The following DLG2 variants were observed in gnomAD, a reference collection of about 807,000 sequenced individuals.
DLG2 encodes the protein disks large homolog 2.
A neutral mutation model predicts 132.5 loss-of-function variants in DLG2; 45 were observed. That is an observed-to-expected ratio of 0.34 (90% confidence interval 0.27 to 0.44). The LOEUF is 0.44. Ranked by LOEUF, DLG2 falls within the 20% of genes least tolerant of loss-of-function variation. The pLI is 1.00. For synonymous variants in DLG2, 424 were observed against 419.6 expected (o/e 1.01, Z -0.13); for missense variants, 1,045 against 1,196.9 (o/e 0.87, Z 1.87).
intron 7 of DLG2, among the ~76,000 whole-genome samples, chr11:84,375,385 T>C (rs2098724897): frequency 6.6e-6 from 1 of 152,138 alleles, no homozygotes; most frequent in South Asian, 2.1e-4. Context: ...GAAAACAATA[T>C]ATATAAAACT....
intron 11 of DLG2, among the ~76,000 whole-genome samples, chr11:84,040,936 T>C (rs12796106): frequency 0.021 from 3,177 of 151,330 alleles, 62 homozygotes; most frequent in Non-Finnish European, 0.032. Flanking sequence ...AGGTCCTTCA[T>C]ATCCCTTGTA....
chr11:84,549,575 C>T (rs536834138), intron 6 of DLG2, among the ~76,000 whole-genome samples: 23 of 152,240 alleles, frequency 1.5e-4, no homozygotes, highest in African/African-American at 4.6e-4. Flanking sequence ...ACCAGCAGTG[C>T]GACTTTAGGG....
At chr11:84,093,921 G>C (rs1165351754) in intron 10 of DLG2, among the ~76,000 whole-genome samples, 2 of 151,438 alleles carry the variant, frequency 1.3e-5, no homozygotes, top group African/African-American at 4.9e-5. Context: ...ATTCGTGAGT[G>C]GCATTTAGAA....
intron 3 of DLG2, among the ~76,000 whole-genome samples, chr11:85,341,510 C>G (rs1333926193): frequency 6.6e-6 from 1 of 152,142 alleles, no homozygotes; most frequent in Non-Finnish European, 1.5e-5. Context: ...ATTGATTTAT[C>G]TTGCCTAATT....
At chr11:84,838,932 C>T (rs769870781) in intron 6 of DLG2, among the ~76,000 whole-genome samples, 2 of 152,040 alleles carry the variant, frequency 1.3e-5, no homozygotes, top group African/African-American at 4.8e-5. Flanking sequence ...AAAACTGGTA[C>T]AAGACAGGGA....
intron 5 of DLG2, among the ~76,000 whole-genome samples, chr11:85,115,378 A>G (rs2073417082): frequency 6.6e-6 from 1 of 151,998 alleles, no homozygotes; most frequent in South Asian, 2.1e-4. Context: ...AGCAATTACT[A>G]AGTGCCAGCT....
intron 6 of DLG2, among the ~76,000 whole-genome samples, chr11:84,891,773 G>T (rs1223506798): frequency 6.6e-6 from 1 of 152,114 alleles, no homozygotes. Context: ...TCACTCAAAA[G>T]CCATGTCTAA....
At chr11:85,164,816 A>T (rs2078310073) in intron 4 of DLG2, among the ~76,000 whole-genome samples, 1 of 152,242 alleles carries the variant, frequency 6.6e-6, no homozygotes, top group Non-Finnish European at 1.5e-5. Context: ...GTAAGAAAAC[A>T]GAACCTATTT....
At chr11:84,606,606 T>A (rs1268599121) in intron 6 of DLG2, among the ~76,000 whole-genome samples, 2 of 152,134 alleles carry the variant, frequency 1.3e-5, no homozygotes, top group African/African-American at 4.8e-5. Flanking sequence ...AAATGGCAAT[T>A]GTGACACATA....
At chr11:84,607,041 C>T (rs758505483) in intron 6 of DLG2, among the ~76,000 whole-genome samples, 15 of 152,048 alleles carry the variant, frequency 9.9e-5, no homozygotes, top group Non-Finnish European at 1.8e-4. Context: ...TCATCAAGAG[C>T]AGGGGGCCAT....
At chr11:85,377,077 G>T (rs967708312) in intron 3 of DLG2, among the ~76,000 whole-genome samples, 1 of 152,084 alleles carries the variant, frequency 6.6e-6, no homozygotes, top group Non-Finnish European at 1.5e-5. Flanking sequence ...CATAGCCAAG[G>T]TCATGTAAGT....
At chr11:85,483,892 CAAAA>C (rs5793164) in intron 3 of DLG2, among the ~76,000 whole-genome samples, 1,577 of 85,222 alleles carry the variant, frequency 0.019, 12 homozygotes, top group Middle Eastern at 0.065. Context: ...TGCAGTGAGC[CAAAA>C]AAAAAAAAAA....
intron 7 of DLG2, among the ~76,000 whole-genome samples, chr11:84,491,537 T>C (rs1005937553): frequency 6.6e-6 from 1 of 152,174 alleles, no homozygotes; most frequent in Non-Finnish European, 1.5e-5. Context: ...ACGCATTTTC[T>C]AGGACAGAGA....
intron 11 of DLG2, among the ~76,000 whole-genome samples, chr11:84,003,598 T>C (rs1343491528): frequency 6.6e-6 from 1 of 152,058 alleles, no homozygotes; most frequent in Admixed American, 6.6e-5. Flanking sequence ...GAGCCTCTTA[T>C]AAAACCATCA....
intron 6 of DLG2, among the ~76,000 whole-genome samples, chr11:84,690,163 A>G (rs2057854579): frequency 6.6e-6 from 1 of 151,916 alleles, no homozygotes; most frequent in African/African-American, 2.4e-5. Context: ...GATATTGATC[A>G]AAGGGTACAA....
intron 15 of DLG2, among the ~76,000 whole-genome samples, chr11:83,911,724 G>C (rs68107455): frequency 2.0e-5 from 3 of 151,988 alleles, no homozygotes; most frequent in East Asian, 1.9e-4. Context: ...GCTACAAAAA[G>C]TGTTCTCTAA....
intron 6 of DLG2, among the ~76,000 whole-genome samples, chr11:84,790,644 T>C (rs1337732270): frequency 6.6e-6 from 1 of 152,192 alleles, no homozygotes; most frequent in Non-Finnish European, 1.5e-5. Context: ...AAGATATTAG[T>C]CAAGACATCT....
At chr11:85,382,807 A>G (rs1448494017) in intron 3 of DLG2, among the ~76,000 whole-genome samples, 1 of 152,156 alleles carries the variant, frequency 6.6e-6, no homozygotes. Flanking sequence ...TCACGTGAGA[A>G]TATTGTGGCT....
chr11:85,276,791 T>C (rs1349451382), intron 4 of DLG2, among the ~76,000 whole-genome samples: 1 of 152,142 alleles, frequency 6.6e-6, no homozygotes, highest in Non-Finnish European at 1.5e-5. Context: ...CATAAACATT[T>C]ATTGAATACT....
Sources: allele counts gnomAD v4.1 joint callset (sites outside exome capture counted in the v4.1 genomes callset), GRCh38; gene constraint gnomAD v4.1.1; transcripts MANE v1.5; gene names NCBI Gene and HGNC (gene_info 2026-07-23, HGNC 2026-07-21).